RP1L1: variants seen among roughly 807,000 people sequenced by gnomAD.
RP1L1 encodes the protein RP1 like 1, also known as retinitis pigmentosa 1-like 1 protein.
A neutral mutation model predicts 15.7 loss-of-function variants in RP1L1; 27 were observed. The ratio of observed to expected loss-of-function variants is 1.72; its 90% CI spans 1.27 to 2.38. The LOEUF is 2.38. RP1L1 is among the 30% of genes most tolerant of loss of function. The probability of loss-of-function intolerance (pLI) is 0.00; values close to 1 mark genes in which losing one functional copy is unlikely to be tolerated. For synonymous variants in RP1L1, 1,813 were observed against 1,276.7 expected (o/e 1.42, Z -8.96); for missense variants, 4,798 against 3,075.9 (o/e 1.56, Z -13.24).
intron 1 of RP1L1, among the ~76,000 whole-genome samples, chr8:10,624,325 G>A (rs1798123100): frequency 6.6e-6 from 1 of 152,086 alleles, no homozygotes; most frequent in Non-Finnish European, 1.5e-5. Context: ...GTGACAAACA[G>A]ACACGCTCCT....
chr8:10,624,812 G>T lies in RP1L1; in HGVS notation c.-19-1592C>A, dbSNP rs542836256. Among the ~76,000 whole-genome samples the T allele has an allele frequency of 8.5e-4, 130 of 152,280 alleles. 3 individuals carry two copies. In the South Asian group the frequency reaches 0.025, roughly 29 times the overall value. On this transcript the variant is annotated intron_variant, in intron 1 of 3. Transcript: ENST00000382483. ...ACTGGGCTTTTCAGTTCCACGAGCCGACAATTCTCTCCTTGGCTGAGTGGG... is the reference window on the plus strand; with the variant it reads ...ACTGGGCTTTTCAGTTCCACGAGCCTACAATTCTCTCCTTGGCTGAGTGGG...
In RP1L1 at chr8:10,612,468, C is replaced by A. The variant is rs772696208; in HGVS notation, c.1630G>T (p.Gly544Ter). 1.7e-5 allele frequency: 28 copies of A among 1,612,596 alleles called. No individual in the cohort carries two copies. Among genetic ancestry groups the A allele is most frequent in the Non-Finnish European group, 2.3e-5 (27 of 1,180,028 alleles). The change falls in exon 4 of 4, where the codon GGA becomes TGA. Residue 544 changes from glycine (G) to a stop codon, truncating the protein, a stop_gained. Transcript: ENST00000382483. LOFTEE classifies it low-confidence loss of function (END_TRUNC). ...DSSASTGSHE[G>*]SSEWGGRPQG... ...GGCCGCCCACCCCATTCGCTGGATC[C>A]CTCATGAGAGCCGGTGCTGGCTGAC...
chr8:10,614,161 T>G (rs1347177997), intron 3 of RP1L1, among the ~76,000 whole-genome samples: 1 of 152,140 alleles, frequency 6.6e-6, no homozygotes, highest in Non-Finnish European at 1.5e-5. Context: ...ATCAATAAAC[T>G]GCTGCATATG....
chr8:10,607,789 G>A lies in RP1L1; in HGVS notation c.6309C>T (p.Ala2103=), dbSNP rs1422199767. 3.1e-6 allele frequency: 5 copies of A among 1,604,718 alleles called. No individual in the cohort carries two copies. In the South Asian group the frequency reaches 3.3e-5, roughly 11 times the overall value. Residue 2103 remains alanine, a synonymous_variant, in exon 4 of 4, where the codon GCC becomes GCT. Transcript: ENST00000382483. Reference sequence around the variant, plus strand: ...TCTGGGCCTCCCCTTCTGCCTCTGGGGCCTCTACACCTTCTGATTCTGGCT... The same window carrying A: ...TCTGGGCCTCCCCTTCTGCCTCTGGAGCCTCTACACCTTCTGATTCTGGCT... The part of the protein sequence containing the change: ...EAQPESEGVE[A]PEAEGEAQKA...
intron 1 of RP1L1, among the ~76,000 whole-genome samples, chr8:10,642,958 C>G (rs1798428322): frequency 6.6e-6 from 1 of 152,158 alleles, no homozygotes; most frequent in Non-Finnish European, 1.5e-5. Context: ...AGACAGAAGA[C>G]AGGTGAAGAA....
chr8:10,610,684 T>G lies in RP1L1; in HGVS notation c.3414A>C (p.Lys1138Asn). Residue 1138 changes from lysine (K) to asparagine (N), a missense_variant, in exon 4 of 4, where the codon AAA (lysine) becomes AAC (asparagine). Lys to Asn is a moderately conservative substitution (Grantham distance 94, BLOSUM62 0). Transcript: ENST00000382483. The part of the protein sequence containing the change: ...FEEDLGSPAS[K>N]VRFKDSPRYQ... ...ACCGAGGGGAGTCTTTGAACCTCAC[T>G]TTGCTGGCAGGAGACCCAAGGTCTT... 1 of 1,612,088 alleles carries G rather than the reference T, an allele frequency of 6.2e-7. No individual in the cohort carries two copies. The highest frequency in any genetic ancestry group is 8.5e-7 in the Non-Finnish European group (1 of 1,179,314).
rs1797853801 is a variant in RP1L1, at chr8:10,611,506, C to A, written c.2592G>T (p.Gln864His). 1 of 1,577,200 alleles carries A rather than the reference C, an allele frequency of 6.3e-7. No individual in the cohort carries two copies. The highest frequency in any genetic ancestry group is 8.6e-7 in the Non-Finnish European group (1 of 1,163,428). Residue 864 changes from glutamine to histidine, a missense_variant, in exon 4 of 4, where the codon CAG becomes CAT. Physicochemically the swap from Gln to His is conservative, Grantham distance 24 (BLOSUM62 0). Coordinates refer to ENST00000382483, the MANE Select transcript of RP1L1 (RefSeq NM_178857.6). ...PTPPRGRPCP[Q>H]RRSSSCGSTG... ...TGCTCCCACAGCTGGAAGAGCGCCT[C>A]TGGGGGCAGGGCCGCCCCCTGGGCG...
chr8:10,607,238 G>A lies in RP1L1; in HGVS notation c.6860C>T (p.Thr2287Ile), dbSNP rs1797719229. 4 of 1,614,164 alleles carry A rather than the reference G, an allele frequency of 2.5e-6. No homozygotes were observed. The highest frequency in any genetic ancestry group is 3.4e-6 in the Non-Finnish European group (4 of 1,179,974). The change falls in exon 4 of 4, where the codon ACT (threonine) becomes ATT (isoleucine). Residue 2287 changes from threonine to isoleucine, a missense_variant. By Grantham distance (89) the Thr-to-Ile change is moderately conservative (BLOSUM62 -1). Coordinates refer to ENST00000382483, the MANE Select transcript of RP1L1 (RefSeq NM_178857.6). ...TTGGGAGCCTGGCCTTTGGTGGGGA[G>A]TGTCTCCACCTGGGGAAGGGGGTGG... ...PTPPPSPGGD[T>I]PHQRPGSQTG... is the part of the protein sequence containing the mutation.
intron 1 of RP1L1, among the ~76,000 whole-genome samples, chr8:10,639,327 C>T (rs985812729): frequency 6.6e-6 from 1 of 152,096 alleles, no homozygotes; most frequent in African/African-American, 2.4e-5. Flanking sequence ...TGGCTCTATC[C>T]TCCGTGTGTT....
chr8:10,630,192 A>G (rs988335687), intron 1 of RP1L1, among the ~76,000 whole-genome samples: 1 of 152,128 alleles, frequency 6.6e-6, no homozygotes, highest in African/African-American at 2.4e-5. Flanking sequence ...AGTGCAGTGG[A>G]GGGGGGAGCA....
Position 10,607,024 on chromosome 8 carries a change from G to T in RP1L1, c.7074C>A (p.Gly2358=), listed in dbSNP as rs779562782. 9 of 1,614,236 alleles carry T rather than the reference G, an allele frequency of 5.6e-6. No homozygotes were observed. The East Asian group carries it at 1.6e-4, about 28-fold the overall frequency. ...TGGCCCCCTGCTCTGGAGTCCTTGAGCCCAAAGGGGCCTCTTCTTGCTCAG... is the reference window on the plus strand; with the variant it reads ...TGGCCCCCTGCTCTGGAGTCCTTGATCCCAAAGGGGCCTCTTCTTGCTCAG... The part of the protein sequence containing the change: ...STSEQEEAPL[G]SRTPEQGASE... The change falls in exon 4 of 4, where the codon GGC becomes GGA. Residue 2358 remains glycine, a synonymous_variant. Transcript: ENST00000382483.
chr8:10,624,964 C>A (rs1248288583), intron 1 of RP1L1, among the ~76,000 whole-genome samples: 3 of 152,178 alleles, frequency 2.0e-5, no homozygotes, highest in South Asian at 2.1e-4. Context: ...TAGGAAGAAG[C>A]CTGGGTGGGG....
rs771565443 is a variant in RP1L1, at chr8:10,610,048, T to A, written c.4050A>T (p.Gln1350His). The change falls in exon 4 of 4, where the codon CAA becomes CAT. Residue 1350 changes from glutamine to histidine, a missense_variant. Physicochemically the swap from Gln to His is conservative, Grantham distance 24. Transcript: ENST00000382483. ...ETKETEGEGQ[Q>H]EEEAQLEEIE... is the part of the protein sequence containing the mutation. ...TTTCCTCTAACTGCGCCTCTTCTTC[T>A]TGCTGTCCTTCTCCTTCTGTTTCTT... 4 of 1,290,972 alleles carry A rather than the reference T, an allele frequency of 3.1e-6. No individual in the cohort carries two copies. Among genetic ancestry groups the A allele is most frequent in the South Asian group, 1.3e-5 (1 of 75,148 alleles). The allele number at this position is 1,290,972 out of a possible 1,614,324, so 80.0% of individuals were successfully genotyped here.
rs1797969288 is a variant in RP1L1, at chr8:10,616,561, G to C, written c.636C>G (p.His212Gln). Residue 212 changes from histidine (H) to glutamine (Q), a missense_variant, in exon 3 of 4, where the codon CAC becomes CAG. Coordinates refer to ENST00000382483, the MANE Select transcript of RP1L1 (RefSeq NM_178857.6). ...CGGCACACACCAGCACAGAGGGGCT[G>C]TGCAGCAGGGCCTGCAGCGAGTCCA... is the stretch of plus-strand genomic sequence containing the variant. Reference protein sequence around the residue: ...KKVDSLQALLHSPSVLVCAGH... With the variant: ...KKVDSLQALLQSPSVLVCAGH... The C allele has an allele frequency of 6.2e-7, 1 of 1,613,510 alleles. No homozygotes were observed. Among genetic ancestry groups the C allele is most frequent in the Non-Finnish European group, 8.5e-7 (1 of 1,180,016 alleles).
At chr8:10,633,914 C>A (rs777971097) in intron 1 of RP1L1, among the ~76,000 whole-genome samples, 1 of 152,128 alleles carries the variant, frequency 6.6e-6, no homozygotes, top group East Asian at 1.9e-4. Flanking sequence ...ACCGATTGAC[C>A]GACGTGAGGG....
At position 10,622,599 on chromosome 8, in the gene RP1L1, C is replaced by T. The variant is rs371567370; in HGVS notation, c.603G>A (p.Gly201=). The T allele has an allele frequency of 3.7e-6, 6 of 1,614,160 alleles. No homozygotes were observed. The highest frequency in any genetic ancestry group is 1.1e-5 in the South Asian group (1 of 91,046). ...TCAGACCCCAACAGCCTACCTTTTT[C>T]CCGCTGGTCGTGTACAACTGCTTCA... is the stretch of plus-strand genomic sequence containing the variant. ...FPVKQLYTTS[G]KKVDSLQALL... is the part of the protein sequence containing the mutation. Residue 201 remains glycine, a synonymous_variant, in exon 2 of 4, where the codon GGG becomes GGA. Transcript: ENST00000382483.
In RP1L1 at chr8:10,622,695, A is replaced by G. The variant is rs1798081575; in HGVS notation, c.507T>C (p.Val169=). 6.2e-7 allele frequency: 1 copy of G among 1,613,992 alleles called. No individual in the cohort carries two copies. The highest frequency in any genetic ancestry group is 8.5e-7 in the Non-Finnish European group (1 of 1,180,024). The stretch of plus-strand genomic sequence containing the variant: ...GGTTCCTAGTATTCCTGTGACTGAG[A>G]ACCACTGTCTGCTGGAGGCGAGGGT... ...NMDPRLQQTV[V]LSHRNTRNLA... is the part of the protein sequence containing the mutation. Residue 169 remains valine (V), a synonymous_variant, in exon 2 of 4, where the codon GTT becomes GTC. Coordinates refer to ENST00000382483, the MANE Select transcript of RP1L1 (RefSeq NM_178857.6).
chr8:10,635,967 G>A (rs1054722913), intron 1 of RP1L1, among the ~76,000 whole-genome samples: 3 of 152,220 alleles, frequency 2.0e-5, no homozygotes, highest in South Asian at 2.1e-4. Flanking sequence ...GCACAGGCCC[G>A]AGAGCACAGG....
intron 3 of RP1L1, among the ~76,000 whole-genome samples, chr8:10,615,193 C>T (rs990076102): frequency 2.0e-5 from 3 of 152,158 alleles, no homozygotes; most frequent in East Asian, 1.9e-4. Context: ...AGCACCTGAC[C>T]TACAGTGATC....
Sources: allele counts gnomAD v4.1 joint callset (sites outside exome capture counted in the v4.1 genomes callset), GRCh38; gene constraint gnomAD v4.1.1; transcripts MANE v1.5; gene names NCBI Gene and HGNC (gene_info 2026-07-23, HGNC 2026-07-21).